The following IRX2 variants were observed in gnomAD, a reference collection of about 807,000 sequenced individuals.
The protein encoded by IRX2 is iroquois-class homeodomain protein IRX-2.
Under a neutral mutation model 42.9 loss-of-function variants are expected in IRX2, and 26 were observed. The ratio of observed to expected loss-of-function variants is 0.61; its 90% CI spans 0.44 to 0.84. The LOEUF (loss-of-function observed/expected upper bound fraction) is 0.84. Among genes scored for constraint, IRX2 ranks in the 40% least tolerant of loss-of-function variants. The pLI, the probability that IRX2 is intolerant of heterozygous loss-of-function variation, is 0.00. For missense variants in IRX2, 782 were observed against 713.9 expected (o/e 1.10, Z -1.09); for synonymous variants, 424 against 353.9 (o/e 1.20, Z -2.22).
chr5:2,751,000 G>A (rs1737941083), intron 1 of IRX2, among the ~76,000 whole-genome samples, 165 bp downstream of exon 1: 1 of 151,518 alleles, frequency 6.6e-6, no homozygotes, highest in Admixed American at 6.6e-5. Context: ...CCCACCCGGG[G>A]CCCGGCTCAG....
chr5:2,751,495 C>T lies in IRX2; in HGVS notation c.-82G>A. 1 of 919,678 alleles carries T rather than the reference C, an allele frequency of 1.1e-6. No homozygotes were observed. Among genetic ancestry groups the T allele is most frequent in the South Asian group, 4.9e-5 (1 of 20,470 alleles). The allele number at this position is 919,678 out of a possible 1,614,324, so 57.0% of individuals were successfully genotyped here. ...GCCCTCCATCCACGCCCGGCCGGGGCGCGGCGCGGCGGCGGGCACCCGGAC... is the reference window on the plus strand; with the variant it reads ...GCCCTCCATCCACGCCCGGCCGGGGTGCGGCGCGGCGGCGGGCACCCGGAC... On this transcript the variant is annotated 5_prime_UTR_variant, in exon 1 of 4. Transcript: ENST00000302057. The surrounding 1 kb of genome is among the most constrained non-coding windows in gnomAD (Gnocchi z 4.0).
At chr5:2,738,110 C>T in the IRX2 span, among the ~76,000 whole-genome samples, 32 of 152,350 alleles carry the variant, frequency 2.1e-4, no homozygotes, top group Non-Finnish European at 1.3e-4. Context: ...TAAAATATAA[C>T]TCATTTGAGG....
the IRX2 span, among the ~76,000 whole-genome samples, chr5:2,740,016 G>A: frequency 3.9e-5 from 6 of 152,144 alleles, no homozygotes; most frequent in Middle Eastern, 3.4e-3. Flanking sequence ...GTTCTTCTGG[G>A]TCGGTTGGTG....
chr5:2,746,461 A>G lies in IRX2; in HGVS notation c.*1103T>C, dbSNP rs1440630492. The stretch of plus-strand genomic sequence containing the variant: ...ACAAATAAACTTTACAGTAAATCCT[A>G]TCACACCTATAGAATATATACCGTG... On this transcript the variant is annotated 3_prime_UTR_variant, in exon 4 of 4. Coordinates refer to ENST00000302057, the MANE Select transcript of IRX2 (RefSeq NM_033267.5). 1 of 152,264 alleles carries G rather than the reference A, an allele frequency of 6.6e-6. No individual in the cohort carries two copies. The highest frequency in any genetic ancestry group is 1.5e-5 in the Non-Finnish European group (1 of 68,040). 9.4% of individuals were successfully genotyped at this position (152,264 alleles called of 1,614,324 possible).
intron 3 of IRX2, among the ~76,000 whole-genome samples, chr5:2,748,002 C>G (rs1357820910): frequency 2.0e-5 from 3 of 152,192 alleles, no homozygotes; most frequent in Non-Finnish European, 4.4e-5. Context: ...AACTCTGACT[C>G]CTTAACAAGA....
rs773338995 is a variant in IRX2, at chr5:2,748,457, G to C, written c.1251C>G (p.Pro417=). The C allele has an allele frequency of 3.2e-6, 5 of 1,568,120 alleles. No homozygotes were observed. Among genetic ancestry groups the C allele is most frequent in the Non-Finnish European group, 4.3e-6 (5 of 1,161,138 alleles). Residue 417 remains proline (P), a synonymous_variant, in exon 3 of 4, where the codon CCC becomes CCG. Coordinates refer to ENST00000302057, the MANE Select transcript of IRX2 (RefSeq NM_033267.5). ...TTGGCGCGGTGTGCAGGGCCTCGCCGGGGGCCGCGGCCGCAGAGTTGTACC... is the reference window on the plus strand; with the variant it reads ...TTGGCGCGGTGTGCAGGGCCTCGCCCGGGGCCGCGGCCGCAGAGTTGTACC... The part of the protein sequence containing the change: ...LLRYNSAAAA[P]GEALHTAPKA...
In IRX2 at chr5:2,747,374, G is replaced by T. The variant is rs1442771642; in HGVS notation, c.*190C>A. 9 of 506,372 alleles carry T rather than the reference G, an allele frequency of 1.8e-5. No individual in the cohort carries two copies. The highest frequency in any genetic ancestry group is 3.2e-5 in the Non-Finnish European group (9 of 280,006). 31.4% of individuals were successfully genotyped at this position (506,372 alleles called of 1,614,324 possible). On this transcript the variant is annotated 3_prime_UTR_variant, in exon 4 of 4. Coordinates refer to ENST00000302057, the MANE Select transcript of IRX2 (RefSeq NM_033267.5). ...TGATAGAACTTGTGCCAAAAAGAGG[G>T]AATCTATAAAACAGAAAATATAGTT...
chr5:2,745,382 AATT>A (rs544142890), downstream of IRX2, among the ~76,000 whole-genome samples: 21 of 152,288 alleles, frequency 1.4e-4, no homozygotes, highest in African/African-American at 5.1e-4. Context: ...TCTTCTCTGA[AATT>A]ATATTATATG....
chr5:2,739,287 G>C, the IRX2 span, among the ~76,000 whole-genome samples: 1 of 152,008 alleles, frequency 6.6e-6, no homozygotes, highest in Non-Finnish European at 1.5e-5. Context: ...CGCCTGCAAG[G>C]CAGCCGCGTA....
Position 2,749,082 on chromosome 5 carries a change from C to T in IRX2, c.656-30G>A, listed in dbSNP as rs771863150. The stretch of plus-strand genomic sequence containing the variant: ...GGGGGCGCGGGCACGGTGGGTGGCA[C>T]GAGGGGACAGCGCAGGCACCTGGAG... On this transcript the variant is annotated intron_variant, in intron 2 of 3. Transcript: ENST00000302057. 26 of 1,589,474 alleles carry T rather than the reference C, an allele frequency of 1.6e-5. No homozygotes were observed. In the Admixed American group the frequency reaches 4.4e-4, roughly 27 times the overall value.
At chr5:2,738,250 C>G in the IRX2 span, among the ~76,000 whole-genome samples, 1 of 152,232 alleles carries the variant, frequency 6.6e-6, no homozygotes. Flanking sequence ...TTGGACTCAG[C>G]CCCCTCCCGG....
Position 2,748,880 on chromosome 5 carries a change from G to T in IRX2, c.828C>A (p.Gly276=), listed in dbSNP as rs768580017. Residue 276 remains glycine, a synonymous_variant, in exon 3 of 4, where the codon GGC becomes GGA. Transcript: ENST00000302057. ...AGGTCACGGGCTTGGGCGGCGCCAG[G>T]CCCCGCTCGCCCTCCTCGTCGTCGT... ...DEDDDEEGER[G]LAPPKPVTSS... 6.3e-7 allele frequency: 1 copy of T among 1,594,860 alleles called. No homozygotes were observed. Among genetic ancestry groups the T allele is most frequent in the South Asian group, 1.1e-5 (1 of 90,364 alleles).
Position 2,751,238 on chromosome 5 carries a change from G to A in IRX2, c.176C>T (p.Ala59Val), listed in dbSNP as rs2111454837. ...CTGCAGCGGGCTCCCGAAGCCGGTG[G>A]CCGCCTGCGCCGTGAAGGCCGCCGA... ...PGSAAFTAQA[A>V]TGFGSPLQYS... Residue 59 changes from alanine (A) to valine (V), a missense_variant, in exon 1 of 4, where the codon GCC becomes GTC. Coordinates refer to ENST00000302057, the MANE Select transcript of IRX2 (RefSeq NM_033267.5). The surrounding 1 kb of genome is among the most constrained non-coding windows in gnomAD (Gnocchi z 4.0). The A allele has an allele frequency of 7.3e-7, 1 of 1,376,090 alleles. No homozygotes were observed. Among genetic ancestry groups the A allele is most frequent in the Non-Finnish European group, 9.4e-7 (1 of 1,064,194 alleles). 85.2% of individuals were successfully genotyped at this position (1,376,090 alleles called of 1,614,324 possible). A position where few individuals can be genotyped will look rare whatever the true frequency, so the allele number is the denominator to read the frequency against.
At position 2,747,402 on chromosome 5, in the gene IRX2, C is replaced by A; in HGVS notation, c.*162G>T. Reference sequence around the variant, plus strand: ...TCTATAAAACAGAAAATATAGTTTCCCCCTTAAGGAAAGAAAAGCTGGACA... The same window carrying A: ...TCTATAAAACAGAAAATATAGTTTCACCCTTAAGGAAAGAAAAGCTGGACA... On this transcript the variant is annotated 3_prime_UTR_variant, in exon 4 of 4. Transcript: ENST00000302057. The A allele has an allele frequency of 1.8e-6, 1 of 564,108 alleles. No individual in the cohort carries two copies. Among genetic ancestry groups the A allele is most frequent in the South Asian group, 2.9e-5 (1 of 34,234 alleles). The allele number at this position is 564,108 out of a possible 1,614,324, so 34.9% of individuals were successfully genotyped here. A position where few individuals can be genotyped will look rare whatever the true frequency, so the allele number is the denominator to read the frequency against.
chr5:2,744,839 G>A (rs1737622203), downstream of IRX2, among the ~76,000 whole-genome samples: 1 of 152,170 alleles, frequency 6.6e-6, no homozygotes. Context: ...CAGAAACCTG[G>A]TTCTGCCCCC....
intron 3 of IRX2, 51 bp from the exon 4 acceptor site, chr5:2,747,667 T>C: frequency 6.3e-7 from 1 of 1,579,400 alleles, no homozygotes; most frequent in Non-Finnish European, 8.7e-7. Flanking sequence ...GCCTGCTGGC[T>C]GCGCAGACCA....
At chr5:2,743,541 C>A (rs1475395273), downstream of IRX2, among the ~76,000 whole-genome samples, 1 of 151,716 alleles carries the variant, frequency 6.6e-6, no homozygotes, top group African/African-American at 2.4e-5. Flanking sequence ...GCCGCGGAGC[C>A]GGGAGCGCGC....
chr5:2,751,436 C>T lies in IRX2; in HGVS notation c.-23G>A, dbSNP rs1737981249. The T allele has an allele frequency of 3.2e-6, 4 of 1,239,916 alleles. No individual in the cohort carries two copies. The highest frequency in any genetic ancestry group is 3.8e-5 in the East Asian group (1 of 26,388). 76.8% of individuals were successfully genotyped at this position (1,239,916 alleles called of 1,614,324 possible). A position where few individuals can be genotyped will look rare whatever the true frequency, so the allele number is the denominator to read the frequency against. ...CATGGTGGGCGCGGGGCGCGGGGCC[C>T]GCGTCACGCCGAGCAGCGGGCAGGG... On this transcript the variant is annotated 5_prime_UTR_variant, in exon 1 of 4. Coordinates refer to ENST00000302057, the MANE Select transcript of IRX2 (RefSeq NM_033267.5). The surrounding 1 kb of genome is among the most constrained non-coding windows in gnomAD (Gnocchi z 4.0).
chr5:2,745,207 C>G (rs572665110), downstream of IRX2, among the ~76,000 whole-genome samples: 1 of 152,284 alleles, frequency 6.6e-6, no homozygotes, highest in Admixed American at 6.5e-5. Context: ...CAATAATGCT[C>G]TCATGCTGCA....
Sources: allele counts gnomAD v4.1 joint callset (sites outside exome capture counted in the v4.1 genomes callset), GRCh38; gene constraint gnomAD v4.1.1; non-coding constraint Gnocchi (gnomAD v3.1); transcripts MANE v1.5; gene names NCBI Gene and HGNC (gene_info 2026-07-23, HGNC 2026-07-21).